The following TOM1L2 variants were observed in gnomAD, a reference collection of about 807,000 sequenced individuals.
The protein encoded by TOM1L2 is TOM1-like protein 2.
Under a neutral mutation model 67.9 loss-of-function variants are expected in TOM1L2, and 31 were observed. The observed-to-expected ratio is 0.46, with a 90% CI of 0.34 to 0.62. TOM1L2 has a LOEUF of 0.62. Among genes scored for constraint, TOM1L2 ranks in the 20% least tolerant of loss-of-function variants. The pLI is 0.01. For missense variants in TOM1L2, 606 were observed against 663.5 expected (o/e 0.91, Z 0.95); for synonymous variants, 256 against 254.0 (o/e 1.01, Z -0.07).
chr17:17,944,338 CT>C (rs1176654554), intron 1 of TOM1L2, among the ~76,000 whole-genome samples: 1 of 152,218 alleles, frequency 6.6e-6, no homozygotes, highest in Non-Finnish European at 1.5e-5. Context: ...CTGCGGTGCC[CT>C]TCATGAGTCT....
intron 1 of TOM1L2, among the ~76,000 whole-genome samples, chr17:17,928,156 C>CA (rs148502512): frequency 0.49 from 73,012 of 149,626 alleles, 18,721 homozygotes; most frequent in East Asian, 0.86. Flanking sequence ...TTTTCTGTAA[C>CA]AACAAAAAAA....
At chr17:17,853,539 C>T (rs1469285114) in intron 12 of TOM1L2, among the ~76,000 whole-genome samples, 1 of 152,204 alleles carries the variant, frequency 6.6e-6, no homozygotes, top group Admixed American at 6.5e-5. Flanking sequence ...TAAGAAATTC[C>T]TCACCTCCTC....
rs576675668 is a variant in TOM1L2 at position 17,857,233 on chromosome 17, G to A, written c.1278+4243C>T. ...CTCCCAAAGTGCTGGGATTACAGGC[G>A]TGAGCCACTGCACCCGGCCTGTGTA... On this transcript the variant is annotated intron_variant, in intron 12 of 14. Coordinates refer to ENST00000379504, the MANE Select transcript of TOM1L2 (RefSeq NM_001082968.2). Among the ~76,000 whole-genome samples the A allele has an allele frequency of 4.6e-5, 7 of 152,326 alleles. No homozygotes were observed. In the South Asian group the frequency reaches 1.4e-3, roughly 32 times the overall value.
intron 7 of TOM1L2, among the ~76,000 whole-genome samples, chr17:17,877,086 A>G (rs1041004965): frequency 6.6e-6 from 1 of 152,240 alleles, no homozygotes; most frequent in African/African-American, 2.4e-5. Context: ...GAGTGGCCTC[A>G]GCCTCTCCTC....
chr17:17,864,678 A>C (rs574423054), intron 10 of TOM1L2, among the ~76,000 whole-genome samples: 1 of 151,958 alleles, frequency 6.6e-6, no homozygotes, highest in African/African-American at 2.4e-5. Context: ...TGCCCAGCTG[A>C]TTTTTGTATT....
At chr17:17,864,403 G>T (rs1216325375) in intron 10 of TOM1L2, among the ~76,000 whole-genome samples, 1 of 150,326 alleles carries the variant, frequency 6.7e-6, no homozygotes, top group Non-Finnish European at 1.5e-5. Context: ...GTAGAGACAG[G>T]GTTTCACCGT....
At chr17:17,937,421 T>A (rs772354264) in intron 1 of TOM1L2, among the ~76,000 whole-genome samples, 90 of 152,306 alleles carry the variant, frequency 5.9e-4, no homozygotes, top group Admixed American at 2.6e-4. Flanking sequence ...CTGGGTCCCA[T>A]CAGGCTCGGA....
At chr17:17,901,601 C>T (rs1201375094) in intron 2 of TOM1L2, among the ~76,000 whole-genome samples, 1 of 152,248 alleles carries the variant, frequency 6.6e-6, no homozygotes, top group Non-Finnish European at 1.5e-5. Flanking sequence ...TCCTCATCAC[C>T]CCCAAGGAGG....
At chr17:17,868,506 G>C (rs909353855) in intron 8 of TOM1L2, among the ~76,000 whole-genome samples, 1 of 152,198 alleles carries the variant, frequency 6.6e-6, no homozygotes, top group African/African-American at 2.4e-5. Context: ...ATCTGCAGGG[G>C]ACTCAAGCCA....
At chr17:17,932,741 G>A (rs2040385971) in intron 1 of TOM1L2, among the ~76,000 whole-genome samples, 1 of 152,014 alleles carries the variant, frequency 6.6e-6, no homozygotes, top group Admixed American at 6.6e-5. Context: ...CTATAAAATG[G>A]AGTTAATACT....
chr17:17,965,386 T>G (rs1022700524), intron 1 of TOM1L2, among the ~76,000 whole-genome samples: 3 of 152,134 alleles, frequency 2.0e-5, no homozygotes, highest in African/African-American at 7.2e-5. Flanking sequence ...CACCCCCGCC[T>G]ACCTCTTAAC....
intron 1 of TOM1L2, among the ~76,000 whole-genome samples, chr17:17,964,039 G>A (rs1232916222): frequency 6.6e-6 from 1 of 152,180 alleles, no homozygotes; most frequent in Non-Finnish European, 1.5e-5. Context: ...AAACAGGGTG[G>A]TCTAGGAAGG....
intron 1 of TOM1L2, among the ~76,000 whole-genome samples, chr17:17,923,186 T>G (rs2039947932): frequency 6.6e-6 from 1 of 151,856 alleles, no homozygotes; most frequent in African/African-American, 2.4e-5. Context: ...TCGCCTGAGA[T>G]CAAGAGTTCA....
intron 1 of TOM1L2, among the ~76,000 whole-genome samples, chr17:17,952,220 G>A (rs765874166): frequency 6.6e-6 from 1 of 152,020 alleles, no homozygotes; most frequent in Non-Finnish European, 1.5e-5. Context: ...AAACAAAAGC[G>A]AGCTGTAAAA....
At chr17:17,907,381 C>T in intron 2 of TOM1L2, 66 bp downstream of exon 2, 2 of 1,470,796 alleles carry the variant, frequency 1.4e-6, no homozygotes, top group Non-Finnish European at 1.9e-6. Context: ...ACCCTTAGGC[C>T]CTGACAAGCT....
rs557088524 is a variant in TOM1L2, at chr17:17,956,558, T to C, written c.52+15704A>G. On this transcript the variant is annotated intron_variant, in intron 1 of 14. Transcript: ENST00000379504. ...GCAGTGGAGCAGGGGTTTGCGCTCCTTGGGGAGGTTCGGGCCGCATAGGAG... is the reference window on the plus strand; with the variant it reads ...GCAGTGGAGCAGGGGTTTGCGCTCCCTGGGGAGGTTCGGGCCGCATAGGAG... Among the ~76,000 whole-genome samples, 14 of 152,340 alleles carry C rather than the reference T, an allele frequency of 9.2e-5. No individual in the cohort carries two copies. In the South Asian group the frequency reaches 1.4e-3, roughly 16 times the overall value.
intron 6 of TOM1L2, among the ~76,000 whole-genome samples, chr17:17,881,644 G>A (rs957912176): frequency 1.3e-5 from 2 of 152,190 alleles, no homozygotes; most frequent in African/African-American, 4.8e-5. Flanking sequence ...ACAGCTGCCT[G>A]GTGGGGTAAC....
rs2144091084 is a variant in TOM1L2, at chr17:17,884,641, G to A, written c.494C>T (p.Pro165Leu). Reference protein sequence around the residue: ...DLDALSPIHTPQRSVPEVDPA... With the variant: ...DLDALSPIHTLQRSVPEVDPA... ...TGCCAGCTGGAAGCTTACCCGCTGT[G>A]GTGTGTGTATGGGAGACAGAGCGTC... is the stretch of plus-strand genomic sequence containing the variant. The change falls in exon 5 of 15, where the codon CCA becomes CTA. Residue 165 changes from proline (P) to leucine (L), a missense_variant. Physicochemically the swap from Pro to Leu is moderately conservative, Grantham distance 98. Transcript: ENST00000379504. 3 of 1,614,086 alleles carry A rather than the reference G, an allele frequency of 1.9e-6. No homozygotes were observed. Among genetic ancestry groups the A allele is most frequent in the South Asian group, 2.2e-5 (2 of 91,088 alleles).
chr17:17,895,922 C>T (rs910958936), intron 3 of TOM1L2, among the ~76,000 whole-genome samples: 1 of 152,322 alleles, frequency 6.6e-6, no homozygotes, highest in Non-Finnish European at 1.5e-5. Flanking sequence ...CAGGCAGCTC[C>T]GCAGCCAGCC....
Sources: gnomAD v4.1 joint callset for allele counts (sites outside exome capture counted in the v4.1 genomes callset) on GRCh38, gnomAD v4.1.1 for gene constraint, MANE v1.5 for transcripts, NCBI Gene and HGNC (gene_info 2026-07-23, HGNC 2026-07-21) for gene names.